The following CHMP3 variants were observed in gnomAD, a reference collection of about 807,000 sequenced individuals.
The protein encoded by CHMP3 is charged multivesicular body protein 3.
In CHMP3, 8 loss-of-function variants were observed where a neutral mutation model predicts 27.4. That is an observed-to-expected ratio of 0.29 (90% CI 0.17 to 0.53). The LOEUF (loss-of-function observed/expected upper bound fraction) is 0.53. Ranked by LOEUF, CHMP3 falls within the 20% of genes least tolerant of loss-of-function variation. The probability of loss-of-function intolerance (pLI) is 0.96; values close to 1 mark genes in which losing one functional copy is unlikely to be tolerated. For missense variants in CHMP3, 208 were observed against 271.5 expected, an observed-to-expected ratio of 0.77 and a Z score of 1.64; for synonymous variants, 86 against 85.5, an observed-to-expected ratio of 1.01 and a Z score of -0.03.
At chr2:86,509,376 G>C (rs1011027328) in intron 4 of CHMP3, among the ~76,000 whole-genome samples, 16 of 152,122 alleles carry the variant, frequency 1.1e-4, no homozygotes, top group African/African-American at 3.6e-4. Flanking sequence ...TACTGCCCAA[G>C]GAGTTCTCAT....
Position 86,556,661 on chromosome 2 carries a change from G to A in CHMP3, c.45+6643C>T, listed in dbSNP as rs72932383. On this transcript the variant is annotated intron_variant, in intron 1 of 5. Coordinates refer to ENST00000263856, the MANE Select transcript of CHMP3 (RefSeq NM_016079.4). Reference sequence around the variant, plus strand: ...CATCCGCCAGCAGGACTGCTCTCTCGGGGAAGGCGGGGAGGGACCATGTTA... The same window carrying A: ...CATCCGCCAGCAGGACTGCTCTCTCAGGGAAGGCGGGGAGGGACCATGTTA... Among the ~76,000 whole-genome samples the A allele has an allele frequency of 6.6e-5, 10 of 152,168 alleles. No homozygotes were observed. The South Asian group carries it at 1.0e-3, about 16-fold the overall frequency.
chr2:86,513,804 T>C (rs889821421), intron 3 of CHMP3, among the ~76,000 whole-genome samples: 5 of 152,232 alleles, frequency 3.3e-5, no homozygotes, highest in African/African-American at 1.2e-4. Flanking sequence ...GCATCAGGCA[T>C]TCCATCCAGA....
rs1446298294 is a variant in CHMP3, at chr2:86,542,254, CT to C, written c.103del (p.Arg35GlyfsTer10). Reference sequence around the variant, plus strand: ...GAAGACATAAAATGATAACTTACCCCTTATTTGCCTGTCAACAACTCTCATT... The same window carrying C: ...GAAGACATAAAATGATAACTTACCCCTATTTGCCTGTCAACAACTCTCATT... ...KEMRVVDRQI[R>X]DIQREEEKVK... On this transcript the variant is annotated frameshift_variant, in exon 2 of 6. Coordinates refer to ENST00000263856, the MANE Select transcript of CHMP3 (RefSeq NM_016079.4). LOFTEE classifies it high-confidence loss of function. The C allele has an allele frequency of 6.2e-7, 1 of 1,613,224 alleles. No individual in the cohort carries two copies. The highest frequency in any genetic ancestry group is 8.5e-7 in the Non-Finnish European group (1 of 1,179,514).
intron 3 of CHMP3, chr2:86,512,092 T>A (rs1327248578): frequency 6.6e-6 from 1 of 152,238 alleles, no homozygotes; most frequent in Non-Finnish European, 1.5e-5. Flanking sequence ...TTGTATGTTG[T>A]ACACTTGAAA....
intron 1 of CHMP3, among the ~76,000 whole-genome samples, chr2:86,543,969 T>TCC (rs1471592164): frequency 1.3e-5 from 2 of 152,182 alleles, no homozygotes; most frequent in Non-Finnish European, 2.9e-5. Flanking sequence ...TCTTCCTATC[T>TCC]CCCCCTCCCC....
chr2:86,549,136 CT>C (rs1676750457), intron 1 of CHMP3, among the ~76,000 whole-genome samples: 1 of 148,298 alleles, frequency 6.7e-6, no homozygotes, highest in African/African-American at 2.5e-5. Context: ...AGAGGCGCCC[CT>C]CACGTCCCAG....
intron 1 of CHMP3, among the ~76,000 whole-genome samples, 157 bp from the exon 2 acceptor site, chr2:86,542,469 TA>T (rs1676404922): frequency 6.6e-6 from 1 of 152,252 alleles, no homozygotes. Flanking sequence ...TACTTTTTTT[TA>T]ATTTCACCTC....
intron 2 of CHMP3, among the ~76,000 whole-genome samples, chr2:86,535,530 G>A (rs528174897): frequency 1.3e-5 from 2 of 152,122 alleles, no homozygotes; most frequent in East Asian, 3.9e-4. Context: ...CTCTTTTTGA[G>A]TCTCACTTTA....
In CHMP3 at chr2:86,549,490, G is replaced by A. The variant is rs367580271; in HGVS notation, c.46-7178C>T. On this transcript the variant is annotated intron_variant, in intron 1 of 5. Coordinates refer to ENST00000263856, the MANE Select transcript of CHMP3 (RefSeq NM_016079.4). ...GCGCTCCTCACTTCCCAGACGGGGC[G>A]GCCGGGCAGAGGCGCTCCTCACTTC... is the stretch of plus-strand genomic sequence containing the variant. Among the ~76,000 whole-genome samples the A allele has an allele frequency of 3.0e-3, 426 of 142,810 alleles. 11 individuals carry two copies. In the East Asian group the frequency reaches 0.069, roughly 23 times the overall value. The allele number at this position is 142,810 out of a possible 152,430, so 93.7% of individuals were successfully genotyped here. A position where few individuals can be genotyped will look rare whatever the true frequency, so the allele number is the denominator to read the frequency against.
At chr2:86,531,554 T>C (rs540984003) in intron 2 of CHMP3, among the ~76,000 whole-genome samples, 61 of 152,192 alleles carry the variant, frequency 4.0e-4, no homozygotes, top group Non-Finnish European at 8.2e-4. Context: ...CTTCAAGTTG[T>C]GAAGTTTTAC....
At chr2:86,552,460 A>G (rs1293929928) in intron 1 of CHMP3, among the ~76,000 whole-genome samples, 1 of 152,222 alleles carries the variant, frequency 6.6e-6, no homozygotes, top group African/African-American at 2.4e-5. Context: ...CACCACTCTA[A>G]AAACCCTTAT....
rs1468157704 is a variant in CHMP3, at chr2:86,532,264, G to A, written c.107-2867C>T. Among the ~76,000 whole-genome samples the A allele has an allele frequency of 2.0e-5, 3 of 152,058 alleles. No individual in the cohort carries two copies. The South Asian group carries it at 6.2e-4, about 31-fold the overall frequency. ...TTTCAGATTGTCCATCGTTAATATA[G>A]AGAAATACAATTTTTTTTGGTGCTG... On this transcript the variant is annotated intron_variant, in intron 2 of 5. Transcript: ENST00000263856.
In CHMP3 at chr2:86,505,750, T is replaced by C. The variant is rs1674863118; in HGVS notation, c.*54A>G. 6.9e-7 allele frequency: 1 copy of C among 1,446,644 alleles called. No individual in the cohort carries two copies. Among genetic ancestry groups the C allele is most frequent in the East Asian group, 2.6e-5 (1 of 38,636 alleles). The allele number at this position is 1,446,644 out of a possible 1,614,324, so 89.6% of individuals were successfully genotyped here. Reference sequence around the variant, plus strand: ...ACAGAGGTGTAGTGCAAGAGACACATAAAATGGCAGCTCTTGAGAGGAGTG... The same window carrying C: ...ACAGAGGTGTAGTGCAAGAGACACACAAAATGGCAGCTCTTGAGAGGAGTG... On this transcript the variant is annotated 3_prime_UTR_variant, in exon 6 of 6. Transcript: ENST00000263856.
chr2:86,559,446 C>G (rs973811393), intron 1 of CHMP3, among the ~76,000 whole-genome samples: 3 of 152,204 alleles, frequency 2.0e-5, no homozygotes, highest in Non-Finnish European at 4.4e-5. Flanking sequence ...TCTCAACTAC[C>G]TATCTATCCA....
rs972089155 is a variant in CHMP3, at chr2:86,550,114, G to A, written c.46-7802C>T. Among the ~76,000 whole-genome samples the A allele has an allele frequency of 5.3e-5, 8 of 152,192 alleles. No individual in the cohort carries two copies. In the South Asian group the frequency reaches 6.2e-4, roughly 12 times the overall value. On this transcript the variant is annotated intron_variant, in intron 1 of 5. Transcript: ENST00000263856. ...TTGAGCATTGAGTGAGTGAGACTCCGTCTGCAATCCCAGCACCCCGGGAGG... is the reference window on the plus strand; with the variant it reads ...TTGAGCATTGAGTGAGTGAGACTCCATCTGCAATCCCAGCACCCCGGGAGG...
intron 1 of CHMP3, among the ~76,000 whole-genome samples, chr2:86,553,290 G>C (rs1030128661): frequency 6.6e-6 from 1 of 151,436 alleles, no homozygotes; most frequent in Non-Finnish European, 1.5e-5. Context: ...TTTTACAAAC[G>C]AGTCTTTATT....
Position 86,507,809 on chromosome 2 carries a change from G to GGGT in CHMP3, c.409-219_409-217dup, listed in dbSNP as rs879152215. 3.3e-5 allele frequency among the ~76,000 whole-genome samples: 5 copies of GGGT among 152,324 alleles called. No homozygotes were observed. In the South Asian group the frequency reaches 6.2e-4, roughly 19 times the overall value. On this transcript the variant is annotated intron_variant, in intron 4 of 5. Coordinates refer to ENST00000263856, the MANE Select transcript of CHMP3 (RefSeq NM_016079.4). ...CGGCTCTCTAAATTTAACACCCTAG[G>GGGT]GGTGGGGAGTGCTACTACTGGCTGT...
At chr2:86,512,075 A>T (rs1675126844) in intron 3 of CHMP3, 1 of 152,256 alleles carries the variant, frequency 6.6e-6, no homozygotes, top group Non-Finnish European at 1.5e-5. Context: ...TTAAAAGGCC[A>T]GACTAATTGT....
intron 1 of CHMP3, chr2:86,562,853 G>A (rs969744808): frequency 7.0e-5 from 11 of 157,676 alleles, no homozygotes; most frequent in South Asian, 5.3e-4. Context: ...CAGGGAGGAC[G>A]GAGAACAGAC....
Sources: gnomAD v4.1 joint callset for allele counts (sites outside exome capture counted in the v4.1 genomes callset) on GRCh38, gnomAD v4.1.1 for gene constraint, MANE v1.5 for transcripts, NCBI Gene and HGNC (gene_info 2026-07-23, HGNC 2026-07-21) for gene names.